Variants in AMDHD1 observed in about 807,000 individuals in gnomAD.
AMDHD1 encodes probable imidazolonepropionase.
In AMDHD1, 45 loss-of-function variants were observed where a neutral mutation model predicts 44.1. The ratio of observed to expected loss-of-function variants is 1.02; its 90% CI spans 0.80 to 1.31. The LOEUF is 1.31. Among genes scored for constraint, AMDHD1 ranks in the 50% most tolerant of loss-of-function variants. The probability of loss-of-function intolerance (pLI) is 0.00; values close to 1 mark genes in which losing one functional copy is unlikely to be tolerated. For synonymous variants in AMDHD1, 206 were observed against 205.0 expected (o/e 1.00, Z -0.04); for missense variants, 586 against 552.1 (o/e 1.06, Z -0.61).
intron 1 of AMDHD1, among the ~76,000 whole-genome samples, chr12:95,946,168 C>T (rs2080494931): frequency 6.6e-6 from 1 of 151,760 alleles, no homozygotes; most frequent in Non-Finnish European, 1.5e-5. Flanking sequence ...ACAATTGTCC[C>T]ATCCAAAGGC....
Position 95,965,615 on chromosome 12 carries a change from C to T in AMDHD1, c.939-71C>T. 6.9e-6 allele frequency: 7 copies of T among 1,012,228 alleles called. No individual in the cohort carries two copies. The South Asian group carries it at 8.9e-5, about 13-fold the overall frequency. The allele number at this position is 1,012,228 out of a possible 1,614,324, so 62.7% of individuals were successfully genotyped here. A position where few individuals can be genotyped will look rare whatever the true frequency, so the allele number is the denominator to read the frequency against. On this transcript the variant is annotated intron_variant, in intron 6 of 8. Transcript: ENST00000266736. ...GAAGGCGTTGACTGTCTCAAGTTCT[C>T]TTCTGTTCTGAACAGCTATTCTACA... is the stretch of plus-strand genomic sequence containing the variant.
At position 95,964,928 on chromosome 12, in the gene AMDHD1, CAAAAA is replaced by C. The variant is rs60076877; in HGVS notation, c.939-739_939-735del. Reference sequence around the variant, plus strand: ...AAAGGACCTACAGAGATGTTTGAGGCAAAAAAAAAAAAAAAAAAAAAAAGAGGGCA... The same window carrying C: ...AAAGGACCTACAGAGATGTTTGAGGCAAAAAAAAAAAAAAAAAAGAGGGCA... On this transcript the variant is annotated intron_variant, in intron 6 of 8. Transcript: ENST00000266736. 2.6e-3 allele frequency among the ~76,000 whole-genome samples: 92 copies of C among 35,838 alleles called. 2 individuals carry two copies. The highest frequency in any genetic ancestry group is 3.5e-3 in the Non-Finnish European group (77 of 21,980). 23.5% of individuals were successfully genotyped at this position (35,838 alleles called of 152,430 possible).
intron 1 of AMDHD1, among the ~76,000 whole-genome samples, chr12:95,951,334 TG>T (rs1382807708): frequency 2.0e-5 from 3 of 152,352 alleles, no homozygotes; most frequent in Middle Eastern, 3.4e-3. Flanking sequence ...AATGAGAATA[TG>T]CCAAGTTTGT....
chr12:95,962,878 G>C (rs2080589575), intron 6 of AMDHD1, among the ~76,000 whole-genome samples: 1 of 152,144 alleles, frequency 6.6e-6, no homozygotes, highest in South Asian at 2.1e-4. Flanking sequence ...GAATCTGCAT[G>C]AGCTGTTTTC....
intron 1 of AMDHD1, among the ~76,000 whole-genome samples, chr12:95,947,657 G>T (rs1356659941): frequency 3.5e-5 from 2 of 56,836 alleles, no homozygotes; most frequent in Non-Finnish European, 6.2e-5. Context: ...CAGCCGCCCC[G>T]TCCGGGAGGT....
chr12:95,962,233 C>T, intron 5 of AMDHD1, 122 bp from the exon 6 acceptor site: 2 of 1,402,052 alleles, frequency 1.4e-6, no homozygotes, highest in Non-Finnish European at 1.9e-6. Context: ...ACTACTGCAC[C>T]CAGCCTGGCT....
rs572290731 is a variant in AMDHD1 at position 95,960,373 on chromosome 12, A to G, written c.588-25A>G. On this transcript the variant is annotated intron_variant, in intron 4 of 8. Transcript: ENST00000266736. ...TGTGTTTTGTTTTTAATATTTGCCC[A>G]TGGCAATCTCATTTTCTTCCCCAGA... 217 of 1,603,376 alleles carry G rather than the reference A, an allele frequency of 1.4e-4. 3 individuals carry two copies. The South Asian group carries it at 2.3e-3, about 17-fold the overall frequency.
intron 5 of AMDHD1, among the ~76,000 whole-genome samples, chr12:95,961,871 A>C (rs2080583538): frequency 1.3e-5 from 2 of 152,256 alleles, no homozygotes; most frequent in Admixed American, 6.5e-5. Flanking sequence ...GCTAATTTTC[A>C]AATGAGTGCC....
chr12:95,956,901 G>T lies in AMDHD1; in HGVS notation c.526G>T (p.Ala176Ser). 6.2e-7 allele frequency: 1 copy of T among 1,613,402 alleles called. No individual in the cohort carries two copies. Among genetic ancestry groups the T allele is most frequent in the South Asian group, 1.1e-5 (1 of 91,052 alleles). ...CAAGATGCTGCGCGTGATTGAGCGC[G>T]CCCGGCGGGAGCTGGACATCGGCAT... is the stretch of plus-strand genomic sequence containing the variant. ...ELKMLRVIERARRELDIGISA... is the reference protein window; with the variant it reads ...ELKMLRVIERSRRELDIGISA... Residue 176 changes from alanine (A) to serine (S), a missense_variant, in exon 4 of 9, where the codon GCC becomes TCC. Physicochemically the swap from Ala to Ser is moderately conservative, Grantham distance 99. Transcript: ENST00000266736.
At chr12:95,953,433 A>G (rs2136762793) in intron 2 of AMDHD1, among the ~76,000 whole-genome samples, 1 of 152,354 alleles carries the variant, frequency 6.6e-6, no homozygotes, top group East Asian at 1.9e-4. Flanking sequence ...ATTATGTTGT[A>G]TGGCTTCATA....
chr12:95,961,641 A>G (rs1294718569), intron 5 of AMDHD1, among the ~76,000 whole-genome samples: 1 of 152,212 alleles, frequency 6.6e-6, no homozygotes, highest in Non-Finnish European at 1.5e-5. Flanking sequence ...AAATGACGCC[A>G]TCACCTGTCT....
chr12:95,966,310 T>C lies in AMDHD1; in HGVS notation c.1033-38T>C, dbSNP rs750805926. 2.5e-6 allele frequency: 4 copies of C among 1,609,306 alleles called. No individual in the cohort carries two copies. In the South Asian group the frequency reaches 4.4e-5, roughly 18 times the overall value. ...AATGTTTTAAATTGCAGTTGCCATATGTCACTTTCCTCCAACACTTTTCTC... is the reference window on the plus strand; with the variant it reads ...AATGTTTTAAATTGCAGTTGCCATACGTCACTTTCCTCCAACACTTTTCTC... On this transcript the variant is annotated intron_variant, in intron 7 of 8. Coordinates refer to ENST00000266736, the MANE Select transcript of AMDHD1 (RefSeq NM_152435.3).
At chr12:95,956,561 T>G (rs2080550904) in intron 3 of AMDHD1, 124 bp from the exon 4 acceptor site, 1 of 1,311,304 alleles carries the variant, frequency 7.6e-7, no homozygotes, top group South Asian at 1.4e-5. Context: ...TCTAATCTGA[T>G]GGGTTGGTGC....
At chr12:95,962,555 CATT>C in intron 6 of AMDHD1, 76 bp downstream of exon 6, 1 of 1,441,312 alleles carries the variant, frequency 6.9e-7, no homozygotes, top group South Asian at 1.4e-5. Context: ...AGTGCCCAGA[CATT>C]ATTTCATTGC....
Sources: gnomAD v4.1 joint callset for allele counts (sites outside exome capture counted in the v4.1 genomes callset) on GRCh38, gnomAD v4.1.1 for gene constraint, MANE v1.5 for transcripts, NCBI Gene and HGNC (gene_info 2026-07-23, HGNC 2026-07-21) for gene names.